Variants in ZDHHC3 observed in about 807,000 individuals in gnomAD.
ZDHHC3 encodes palmitoyltransferase ZDHHC3.
Under a neutral mutation model 30.6 loss-of-function variants are expected in ZDHHC3, and 9 were observed. The observed-to-expected ratio is 0.29, with a 90% CI of 0.18 to 0.51. The LOEUF is 0.51. Ranked by LOEUF, ZDHHC3 falls within the 20% of genes least tolerant of loss-of-function variation. ZDHHC3 has a pLI of 0.97. For synonymous variants in ZDHHC3, 136 were observed against 140.2 expected, an observed-to-expected ratio of 0.97 and a Z score of 0.21; for missense variants, 246 against 384.2, an observed-to-expected ratio of 0.64 and a Z score of 3.01.
intron 2 of ZDHHC3, among the ~76,000 whole-genome samples, chr3:44,957,440 T>G (rs1417698032): frequency 6.6e-6 from 1 of 152,246 alleles, no homozygotes; most frequent in Non-Finnish European, 1.5e-5. Flanking sequence ...AGAAAGAGAC[T>G]TGTAAAATGA....
chr3:44,960,833 T>G (rs2125912679), intron 1 of ZDHHC3, among the ~76,000 whole-genome samples: 1 of 152,344 alleles, frequency 6.6e-6, no homozygotes, highest in African/African-American at 2.4e-5. Flanking sequence ...CTTTCGGTAT[T>G]GTTATGAACA....
Position 44,919,202 on chromosome 3 carries a change from GC to G in ZDHHC3, c.*7486del. 3.2e-6 allele frequency: 2 copies of G among 627,126 alleles called. No individual in the cohort carries two copies. Among genetic ancestry groups the G allele is most frequent in the Non-Finnish European group, 4.0e-6 (2 of 504,724 alleles). The allele number at this position is 627,126 out of a possible 1,614,324, so 38.8% of individuals were successfully genotyped here. On this transcript the variant is annotated 3_prime_UTR_variant, in exon 7 of 7. Transcript: ENST00000424952. ...ACCTTAATAGCAGGGAAGAAACATT[GC>G]ACGTACCACCTTCACCCAATGATCA... is the stretch of plus-strand genomic sequence containing the variant.
At chr3:44,940,472 TC>T (rs1702345762) in intron 3 of ZDHHC3, among the ~76,000 whole-genome samples, 1 of 152,194 alleles carries the variant, frequency 6.6e-6, no homozygotes, top group African/African-American at 2.4e-5. Flanking sequence ...CACAGTCCTC[TC>T]CTGGCATTCC....
At chr3:44,967,094 G>GA (rs951598077) in intron 1 of ZDHHC3, among the ~76,000 whole-genome samples, 51 of 143,976 alleles carry the variant, frequency 3.5e-4, no homozygotes, top group African/African-American at 6.6e-4. Flanking sequence ...AAAACAAATG[G>GA]AAAAAAAAAA....
At chr3:44,961,208 C>T (rs575775236) in intron 1 of ZDHHC3, among the ~76,000 whole-genome samples, 218 of 152,234 alleles carry the variant, frequency 1.4e-3, no homozygotes, top group African/African-American at 4.7e-3. Flanking sequence ...CTGGCTAACA[C>T]GGTGAAACCC....
At chr3:44,929,461 A>C in intron 5 of ZDHHC3, 25 bp from the exon 6 acceptor site, 1 of 1,612,732 alleles carries the variant, frequency 6.2e-7, no homozygotes, top group Middle Eastern at 1.7e-4. Context: ...GCACACAGGG[A>C]TTGGTACTGT....
chr3:44,948,387 G>C (rs1465394412), intron 2 of ZDHHC3, among the ~76,000 whole-genome samples: 3 of 152,144 alleles, frequency 2.0e-5, no homozygotes, highest in Non-Finnish European at 4.4e-5. Context: ...AGGGAGCTGT[G>C]GTTCTGTCTT....
chr3:44,967,466 T>C (rs888149323), intron 1 of ZDHHC3, among the ~76,000 whole-genome samples: 3 of 152,222 alleles, frequency 2.0e-5, no homozygotes, highest in African/African-American at 7.2e-5. Context: ...AGAGGATCAC[T>C]GGAGCCCAGG....
chr3:44,959,104 G>T lies in ZDHHC3; in HGVS notation c.306+27C>A. 1 of 1,612,004 alleles carries T rather than the reference G, an allele frequency of 6.2e-7. No individual in the cohort carries two copies. Among genetic ancestry groups the T allele is most frequent in the Non-Finnish European group, 8.5e-7 (1 of 1,178,590 alleles). ...GAGCCAGAGGAGGAGAGTGTGGGCT[G>T]GTCAAAACAAGCCCAGACATACTCA... On this transcript the variant is annotated intron_variant, in intron 2 of 6. Coordinates refer to ENST00000424952, the MANE Select transcript of ZDHHC3 (RefSeq NM_001135179.2). This position sits in a 1 kb window ranked among gnomAD's most constrained non-coding sequence, Gnocchi z 4.3.
At chr3:44,940,840 A>G (rs908917606) in intron 3 of ZDHHC3, among the ~76,000 whole-genome samples, 1 of 152,184 alleles carries the variant, frequency 6.6e-6, no homozygotes, top group African/African-American at 2.4e-5. Context: ...TCATCCCCAA[A>G]GGAGCTGGCC....
Position 44,926,733 on chromosome 3 carries a change from T to C in ZDHHC3, c.856A>G (p.Thr286Ala). The C allele has an allele frequency of 6.2e-7, 1 of 1,613,436 alleles. No individual in the cohort carries two copies. The highest frequency in any genetic ancestry group is 8.5e-7 in the Non-Finnish European group (1 of 1,179,868). ...GGGTCTGCCTTCCCTTGGTCTGGCG[T>C]GGCAAAGGGGCTGGCCCAGCCTAGA... ...FSLGWASPFA[T>A]PDQGKADPYQ... Residue 286 changes from threonine (T) to alanine (A), a missense_variant, in exon 7 of 7, where the codon ACG becomes GCG. Physicochemically the swap from Thr to Ala is moderately conservative, Grantham distance 58 (BLOSUM62 0). Transcript: ENST00000424952.
intron 1 of ZDHHC3, among the ~76,000 whole-genome samples, chr3:44,972,064 C>T (rs1375174592): frequency 6.6e-6 from 1 of 152,090 alleles, no homozygotes; most frequent in Non-Finnish European, 1.5e-5. Flanking sequence ...TGACTTTGTA[C>T]ATTTCAAGGG....
Position 44,923,954 on chromosome 3 carries a change from A to G in ZDHHC3, c.*2735T>C. 1.0e-6 allele frequency: 1 copy of G among 985,434 alleles called. No homozygotes were observed. Among genetic ancestry groups the G allele is most frequent in the Non-Finnish European group, 1.2e-6 (1 of 829,928 alleles). 61.0% of individuals were successfully genotyped at this position (985,434 alleles called of 1,614,324 possible). ...TAGATTATAGATTTGCTTGGATCTA[A>G]GCCTTTTGCATATTCAGTCTAGTTG... is the stretch of plus-strand genomic sequence containing the variant. On this transcript the variant is annotated 3_prime_UTR_variant, in exon 7 of 7. Transcript: ENST00000424952.
Position 44,922,718 on chromosome 3 carries a change from GGGCTGCT to G in ZDHHC3, c.*3964_*3970del. 1 of 984,806 alleles carries G rather than the reference GGGCTGCT, an allele frequency of 1.0e-6. No individual in the cohort carries two copies. The highest frequency in any genetic ancestry group is 1.2e-6 in the Non-Finnish European group (1 of 829,416). 61.0% of individuals were successfully genotyped at this position (984,806 alleles called of 1,614,324 possible). A position where few individuals can be genotyped will look rare whatever the true frequency, so the allele number is the denominator to read the frequency against. On this transcript the variant is annotated 3_prime_UTR_variant, in exon 7 of 7. Coordinates refer to ENST00000424952, the MANE Select transcript of ZDHHC3 (RefSeq NM_001135179.2). ...ATCACCTGGAGGGCTGTTAAGACAC[GGGCTGCT>G]GGGCCCCGCTCGGTTTCTGGTTCGG...
chr3:44,947,041 G>C (rs947638179), intron 2 of ZDHHC3, among the ~76,000 whole-genome samples: 12 of 152,210 alleles, frequency 7.9e-5, no homozygotes, highest in African/African-American at 2.9e-4. Flanking sequence ...TGAATTACGA[G>C]GATGGAGCGG....
chr3:44,940,672 CA>C (rs1419409701), intron 3 of ZDHHC3, among the ~76,000 whole-genome samples: 3 of 152,204 alleles, frequency 2.0e-5, no homozygotes, highest in South Asian at 4.1e-4. Flanking sequence ...TAGAAGAAGG[CA>C]GATGCTTCCC....
intron 2 of ZDHHC3, among the ~76,000 whole-genome samples, chr3:44,949,890 CAGT>C: frequency 6.6e-6 from 1 of 151,946 alleles, no homozygotes; most frequent in Non-Finnish European, 1.5e-5. Context: ...GGCTGGAGTG[CAGT>C]AGCACGATCT....
At position 44,926,409 on chromosome 3, in the gene ZDHHC3, C is replaced by G. The variant is rs1700993773; in HGVS notation, c.*280G>C. 6 of 1,161,448 alleles carry G rather than the reference C, an allele frequency of 5.2e-6. No homozygotes were observed. The highest frequency in any genetic ancestry group is 6.4e-6 in the Non-Finnish European group (6 of 942,936). 71.9% of individuals were successfully genotyped at this position (1,161,448 alleles called of 1,614,324 possible). The stretch of plus-strand genomic sequence containing the variant: ...GACAGCGCCCTCTACATTAGTCATG[C>G]CAGACAGACAGCAGAGAGAAACCAG... On this transcript the variant is annotated 3_prime_UTR_variant, in exon 7 of 7. Coordinates refer to ENST00000424952, the MANE Select transcript of ZDHHC3 (RefSeq NM_001135179.2).
chr3:44,919,386 G>T lies in ZDHHC3; in HGVS notation c.*7303C>A, dbSNP rs1293826409. On this transcript the variant is annotated 3_prime_UTR_variant, in exon 7 of 7. Coordinates refer to ENST00000424952, the MANE Select transcript of ZDHHC3 (RefSeq NM_001135179.2). ...AACACAATCTGAAGGACAGCCTACA[G>T]AATACCTGCCCTACAATCTTCAAAA... is the stretch of plus-strand genomic sequence containing the variant. The T allele has an allele frequency of 2.6e-5, 4 of 152,814 alleles. No homozygotes were observed. Among genetic ancestry groups the T allele is most frequent in the African/African-American group, 9.6e-5 (4 of 41,452 alleles). The allele number at this position is 152,814 out of a possible 1,614,324, so 9.5% of individuals were successfully genotyped here. A position where few individuals can be genotyped will look rare whatever the true frequency, so the allele number is the denominator to read the frequency against.
Sources: allele counts gnomAD v4.1 joint callset (sites outside exome capture counted in the v4.1 genomes callset), GRCh38; gene constraint gnomAD v4.1.1; non-coding constraint Gnocchi (gnomAD v3.1); transcripts MANE v1.5; gene names NCBI Gene and HGNC (gene_info 2026-07-23, HGNC 2026-07-21).